The following ABCG8 variants were observed in gnomAD, a reference collection of about 807,000 sequenced individuals.
The protein encoded by ABCG8 is ATP binding cassette subfamily G member 8.
Under a neutral mutation model 71.3 loss-of-function variants are expected in ABCG8, and 81 were observed. That is an observed-to-expected ratio of 1.14 (90% CI 0.95 to 1.37). The LOEUF (loss-of-function observed/expected upper bound fraction) is 1.37. Ranked by LOEUF, ABCG8 falls within the 40% of genes most tolerant of loss-of-function variation. ABCG8 has a pLI of 0.00. For missense variants in ABCG8, 1,119 were observed against 866.2 expected, an observed-to-expected ratio of 1.29 and a Z score of -3.66; for synonymous variants, 451 against 354.7, an observed-to-expected ratio of 1.27 and a Z score of -3.05.
intron 6 of ABCG8, among the ~76,000 whole-genome samples, chr2:43,869,534 A>T (rs556742421): frequency 3.4e-4 from 52 of 150,756 alleles, no homozygotes; most frequent in African/African-American, 1.1e-3. Flanking sequence ...TAAAACTCTC[A>T]CTATCTGTCT....
intron 6 of ABCG8, among the ~76,000 whole-genome samples, chr2:43,869,124 T>G (rs1489233078): frequency 6.6e-6 from 1 of 152,090 alleles, no homozygotes; most frequent in African/African-American, 2.4e-5. Flanking sequence ...TGGATATAAT[T>G]CTCACTCTCT....
At chr2:43,852,299 G>A (rs988771221) in intron 4 of ABCG8, 55 bp from the exon 5 acceptor site, 2 of 1,611,000 alleles carry the variant, frequency 1.2e-6, no homozygotes, top group Non-Finnish European at 8.5e-7. Context: ...GTCACAATGT[G>A]TCCAGCCCTG....
In ABCG8 at chr2:43,846,477, T is replaced by A. The variant is rs1668747390; in HGVS notation, c.322+166T>A. ...GTCAGACAGACCTGGGCTCAAATCC[T>A]GGCTCCTCCATTTGCTGGCTTGAGG... On this transcript the variant is annotated intron_variant, in intron 3 of 12. Transcript: ENST00000272286. 6.9e-6 allele frequency: 7 copies of A among 1,011,224 alleles called. No individual in the cohort carries two copies. In the South Asian group the frequency reaches 9.8e-5, roughly 14 times the overall value. The allele number at this position is 1,011,224 out of a possible 1,614,324, so 62.6% of individuals were successfully genotyped here. A position where few individuals can be genotyped will look rare whatever the true frequency, so the allele number is the denominator to read the frequency against.
chr2:43,862,908 A>G (rs1463800583), intron 6 of ABCG8, among the ~76,000 whole-genome samples: 9 of 149,420 alleles, frequency 6.0e-5, no homozygotes, highest in African/African-American at 2.0e-4. Context: ...TCTGGAAACA[A>G]CTCTTACAAT....
intron 11 of ABCG8, 134 bp from the exon 12 acceptor site, chr2:43,877,427 G>A: frequency 2.1e-6 from 3 of 1,404,676 alleles, no homozygotes; most frequent in Non-Finnish European, 3.0e-6. Context: ...GTGGGAATAT[G>A]GGGAGATCAT....
chr2:43,875,556 G>A, intron 11 of ABCG8, 143 bp downstream of exon 11: 1 of 1,013,178 alleles, frequency 9.9e-7, no homozygotes, highest in Non-Finnish European at 1.4e-6. Context: ...TTTGCCCACT[G>A]CCCTGGAGGC....
intron 6 of ABCG8, among the ~76,000 whole-genome samples, chr2:43,856,597 T>A (rs1277488290): frequency 4.0e-5 from 6 of 151,708 alleles, no homozygotes; most frequent in African/African-American, 1.5e-4. Flanking sequence ...CCTATCTGGA[T>A]ACAATTTTCC....
intron 6 of ABCG8, among the ~76,000 whole-genome samples, chr2:43,866,577 C>CA (rs1294475459): frequency 6.6e-6 from 1 of 151,914 alleles, no homozygotes; most frequent in Non-Finnish European, 1.5e-5. Flanking sequence ...TTTATGCAGC[C>CA]AAAAAACACA....
At position 43,872,129 on chromosome 2, in the gene ABCG8, G is replaced by A. The variant is rs1669798306; in HGVS notation, c.1118G>A (p.Cys373Tyr). The change falls in exon 7 of 13, where the codon TGT (cysteine) becomes TAT (tyrosine). Residue 373 changes from cysteine to tyrosine, a missense_variant. Physicochemically the swap from Cys to Tyr is radical, Grantham distance 194 (BLOSUM62 -2). Coordinates refer to ENST00000272286, the MANE Select transcript of ABCG8 (RefSeq NM_022437.3). Reference sequence around the variant, plus strand: ...ACGAAGGATCTTGACGAGGACACCTGTGTGGAAAGGTAAGGTGGCAGGCGA... The same window carrying A: ...ACGAAGGATCTTGACGAGGACACCTATGTGGAAAGGTAAGGTGGCAGGCGA... ...AETKDLDEDT[C>Y]VESSVTPLDT... 9 of 1,614,144 alleles carry A rather than the reference G, an allele frequency of 5.6e-6. No individual in the cohort carries two copies. Among genetic ancestry groups the A allele is most frequent in the East Asian group, 2.2e-5 (1 of 44,884 alleles).
chr2:43,863,530 A>G (rs1669408275), intron 6 of ABCG8, among the ~76,000 whole-genome samples: 1 of 151,518 alleles, frequency 6.6e-6, no homozygotes, highest in African/African-American at 2.4e-5. Context: ...CACTATCTGG[A>G]TAGAATTCTC....
intron 6 of ABCG8, among the ~76,000 whole-genome samples, chr2:43,859,532 G>T (rs1334541172): frequency 6.6e-6 from 1 of 150,984 alleles, no homozygotes; most frequent in Non-Finnish European, 1.5e-5. Flanking sequence ...TCTCTGGATA[G>T]ATCTCTCACT....
chr2:43,844,594 G>A lies in ABCG8; in HGVS notation c.151G>A (p.Asp51Asn). The A allele has an allele frequency of 6.2e-7, 1 of 1,613,890 alleles. No homozygotes were observed. Among genetic ancestry groups the A allele is most frequent in the Non-Finnish European group, 8.5e-7 (1 of 1,179,796 alleles). Reference protein sequence around the residue: ...SGQPNTLEVRDLNYQVDLASQ... With the variant: ...SGQPNTLEVRNLNYQVDLASQ... Reference sequence around the variant, plus strand: ...CCAGCCCAACACCCTGGAGGTCAGAGACCTCAACTACCAGGTAGAGGCACG... The same window carrying A: ...CCAGCCCAACACCCTGGAGGTCAGAAACCTCAACTACCAGGTAGAGGCACG... Residue 51 changes from aspartate (D) to asparagine (N), a missense_variant, in exon 2 of 13, where the codon GAC becomes AAC. Asp to Asn is a conservative substitution (Grantham distance 23). Transcript: ENST00000272286.
In ABCG8 at chr2:43,852,868, G is replaced by A. The variant is rs905221493; in HGVS notation, c.964G>A (p.Val322Met). 11 of 1,613,924 alleles carry A rather than the reference G, an allele frequency of 6.8e-6. No individual in the cohort carries two copies. The highest frequency in any genetic ancestry group is 9.3e-6 in the Non-Finnish European group (11 of 1,180,018). Residue 322 changes from valine to methionine, a missense_variant and splice_region_variant, in exon 6 of 13, where the codon GTG (valine) becomes ATG (methionine). Transcript: ENST00000272286. The part of the protein sequence containing the change: ...PRYSNPADFY[V>M]DLTSIDRRSR... ...CTACAGCAATCCTGCTGACTTCTAT[G>A]GTGAGTCCCCAAGGCCAGCAGCCAG...
Position 43,881,912 on chromosome 2 carries a change from TAC to T in ABCG8, c.*4001_*4002del, listed in dbSNP as rs1208917482. The T allele has an allele frequency of 6.6e-6, 1 of 152,212 alleles. No individual in the cohort carries two copies. Among genetic ancestry groups the T allele is most frequent in the African/African-American group, 2.4e-5 (1 of 41,458 alleles). The allele number at this position is 152,212 out of a possible 1,614,324, so 9.4% of individuals were successfully genotyped here. A position where few individuals can be genotyped will look rare whatever the true frequency, so the allele number is the denominator to read the frequency against. On this transcript the variant is annotated 3_prime_UTR_variant, in exon 13 of 13. Transcript: ENST00000272286. ...TGCTGCAATTACTTAACTCTGCTGT[TAC>T]AGTGTGAGAGCAGCTGTAGACTATA...
At position 43,839,029 on chromosome 2, in the gene ABCG8, CCAGGGTCA is replaced by C; in HGVS notation, c.-21_-14del. On this transcript the variant is annotated 5_prime_UTR_variant, in exon 1 of 13. Coordinates refer to ENST00000272286, the MANE Select transcript of ABCG8 (RefSeq NM_022437.3). ...CAGCTGGGTCTAAGAGAGCTGCAGC[CCAGGGTCA>C]CAGACCTGTGGGCCCCATGGCCGGG... The C allele has an allele frequency of 6.5e-7, 1 of 1,550,274 alleles. No homozygotes were observed. Among genetic ancestry groups the C allele is most frequent in the Non-Finnish European group, 8.7e-7 (1 of 1,146,440 alleles).
At chr2:43,857,725 A>G (rs1432964438) in intron 6 of ABCG8, among the ~76,000 whole-genome samples, 1 of 151,782 alleles carries the variant, frequency 6.6e-6, no homozygotes, top group Non-Finnish European at 1.5e-5. Flanking sequence ...GAGAACTCTC[A>G]CTATCTGGAT....
At position 43,882,017 on chromosome 2, in the gene ABCG8, G is replaced by A. The variant is rs1670144740; in HGVS notation, c.*4104G>A. 1 of 152,220 alleles carries A rather than the reference G, an allele frequency of 6.6e-6. No individual in the cohort carries two copies. The allele number at this position is 152,220 out of a possible 1,614,324, so 9.4% of individuals were successfully genotyped here. On this transcript the variant is annotated 3_prime_UTR_variant, in exon 13 of 13. Coordinates refer to ENST00000272286, the MANE Select transcript of ABCG8 (RefSeq NM_022437.3). Reference sequence around the variant, plus strand: ...AGGCAGGTTGCTAGATTTGACCTGAGGGTGTAGTTTGCAGAGCCTTGGTAA... The same window carrying A: ...AGGCAGGTTGCTAGATTTGACCTGAAGGTGTAGTTTGCAGAGCCTTGGTAA...
In ABCG8 at chr2:43,841,184, C is replaced by G. The variant is rs531926456; in HGVS notation, c.63+2068C>G. Among the ~76,000 whole-genome samples the G allele has an allele frequency of 6.6e-5, 10 of 152,324 alleles. 1 individual carries two copies. In the South Asian group the frequency reaches 1.4e-3, roughly 22 times the overall value. On this transcript the variant is annotated intron_variant, in intron 1 of 12. Coordinates refer to ENST00000272286, the MANE Select transcript of ABCG8 (RefSeq NM_022437.3). ...CCGTGAGTGTCAGCACATCACTCCCCCCGGGGCATAGGCTCCTCATCTCAG... is the reference window on the plus strand; with the variant it reads ...CCGTGAGTGTCAGCACATCACTCCCGCCGGGGCATAGGCTCCTCATCTCAG...
In ABCG8 at chr2:43,874,474, C is replaced by A. The variant is rs1170261559; in HGVS notation, c.1479C>A (p.Phe493Leu). ...GGCTGTACACCACTGGTCCATATTT[C>A]TTTGCCAAGGTGACTGGGCAGGGTT... is the stretch of plus-strand genomic sequence containing the variant. ...EDGLYTTGPY[F>L]FAKILGELPE... Residue 493 changes from phenylalanine to leucine, a missense_variant, in exon 10 of 13, where the codon TTC (phenylalanine) becomes TTA (leucine). Physicochemically the swap from Phe to Leu is conservative, Grantham distance 22. Coordinates refer to ENST00000272286, the MANE Select transcript of ABCG8 (RefSeq NM_022437.3). 4.3e-6 allele frequency: 7 copies of A among 1,612,938 alleles called. No individual in the cohort carries two copies. Among genetic ancestry groups the A allele is most frequent in the Admixed American group, 3.3e-5 (2 of 59,874 alleles).
Sources: allele counts gnomAD v4.1 joint callset (sites outside exome capture counted in the v4.1 genomes callset), GRCh38; gene constraint gnomAD v4.1.1; transcripts MANE v1.5; gene names NCBI Gene and HGNC (gene_info 2026-07-23, HGNC 2026-07-21).